The following PRKCE variants were observed in gnomAD, a reference collection of about 807,000 sequenced individuals.
The protein encoded by PRKCE is protein kinase C epsilon type.
Under a neutral mutation model 85.4 loss-of-function variants are expected in PRKCE, and 16 were observed. The ratio of observed to expected loss-of-function variants is 0.19; its 90% CI spans 0.13 to 0.28. PRKCE has a LOEUF of 0.28. PRKCE is among the 10% of genes least tolerant of loss of function. The pLI is 1.00. For missense variants in PRKCE, 573 were observed against 975.2 expected (o/e 0.59, Z 5.49); for synonymous variants, 388 against 371.5 (o/e 1.04, Z -0.51).
chr2:46,155,906 A>C lies in PRKCE; in HGVS notation c.1921-3700A>C, dbSNP rs1677149151. On this transcript the variant is annotated intron_variant, in intron 13 of 14. Transcript: ENST00000306156. The surrounding 1 kb of genome is among the most constrained non-coding windows in gnomAD (Gnocchi z 4.7). ...CTTCTCATCTCTGTACGTCTATCAG[A>C]GTGATCTCTTAGTGGGTGCAGCGCA... Among the ~76,000 whole-genome samples, 1 of 151,874 alleles carries C rather than the reference A, an allele frequency of 6.6e-6. No individual in the cohort carries two copies. The highest frequency in any genetic ancestry group is 1.5e-5 in the Non-Finnish European group (1 of 67,980).
intron 1 of PRKCE, among the ~76,000 whole-genome samples, chr2:45,716,335 G>A (rs1032686054): frequency 1.3e-5 from 2 of 152,120 alleles, no homozygotes; most frequent in African/African-American, 4.8e-5. Context: ...TGGCCAACAT[G>A]GTGAAACCCT....
chr2:46,023,221 G>C (rs929079504), intron 10 of PRKCE, among the ~76,000 whole-genome samples: 3 of 151,832 alleles, frequency 2.0e-5, no homozygotes, highest in African/African-American at 7.3e-5. Flanking sequence ...AAACAGAATT[G>C]AGACTACCTG....
At chr2:45,831,237 T>G (rs1690398367) in intron 1 of PRKCE, among the ~76,000 whole-genome samples, 1 of 152,236 alleles carries the variant, frequency 6.6e-6, no homozygotes, top group African/African-American at 2.4e-5. Flanking sequence ...AAAGAAGGTG[T>G]ATGTAACACC....
rs183197156 is a variant in PRKCE at position 45,941,046 on chromosome 2, A to T, written c.413-35383A>T. On this transcript the variant is annotated intron_variant, in intron 2 of 14. Transcript: ENST00000306156. ...ATGCCACTGCACTCCAGCCTGGGTG[A>T]CAGAGTGAGACTTCATCCTAAAAAA... Among the ~76,000 whole-genome samples the T allele has an allele frequency of 1.5e-3, 212 of 144,666 alleles. 2 individuals carry two copies. The highest frequency in any genetic ancestry group is 5.4e-3 in the African/African-American group (206 of 38,170). 94.9% of individuals were successfully genotyped at this position (144,666 alleles called of 152,430 possible).
At chr2:45,751,886 C>T (rs982280410) in intron 1 of PRKCE, among the ~76,000 whole-genome samples, 1 of 127,490 alleles carries the variant, frequency 7.8e-6, no homozygotes, top group Non-Finnish European at 1.6e-5. Flanking sequence ...GGCGGGATCT[C>T]GGCTCACTGC....
chr2:45,805,182 C>T (rs533339251), intron 1 of PRKCE, among the ~76,000 whole-genome samples: 1 of 152,306 alleles, frequency 6.6e-6, no homozygotes, highest in South Asian at 2.1e-4. Context: ...GGGTTAGACA[C>T]TATTACTACG....
At chr2:46,015,628 A>G (rs1023841454) in intron 10 of PRKCE, among the ~76,000 whole-genome samples, 5 of 151,432 alleles carry the variant, frequency 3.3e-5, no homozygotes, top group Non-Finnish European at 7.4e-5. Context: ...AAGGAGTGTT[A>G]ACAACGTAGG....
intron 1 of PRKCE, among the ~76,000 whole-genome samples, chr2:45,788,608 T>A (rs914316249): frequency 3.3e-5 from 5 of 152,228 alleles, no homozygotes; most frequent in African/African-American, 1.2e-4. Flanking sequence ...AGCTGTTGGT[T>A]TAGAAACCAG....
intron 10 of PRKCE, among the ~76,000 whole-genome samples, chr2:46,043,816 G>T (rs1708357135): frequency 6.6e-6 from 1 of 152,226 alleles, no homozygotes; most frequent in Non-Finnish European, 1.5e-5. Flanking sequence ...GTATCAATTT[G>T]TTCTGAAAAC....
At position 45,868,299 on chromosome 2, in the gene PRKCE, C is replaced by G. The variant is rs527475423; in HGVS notation, c.412+25236C>G. ...AACATCTTCCCTAAAGTCTCAAACA[C>G]CAAAATCCCCTTTCCTGTCCAAAAA... On this transcript the variant is annotated intron_variant, in intron 2 of 14. Coordinates refer to ENST00000306156, the MANE Select transcript of PRKCE (RefSeq NM_005400.3). 7.6e-5 allele frequency among the ~76,000 whole-genome samples: 5 copies of G among 66,132 alleles called. No homozygotes were observed. The South Asian group carries it at 4.2e-3, about 55-fold the overall frequency. 43.4% of individuals were successfully genotyped at this position (66,132 alleles called of 152,430 possible). A position where few individuals can be genotyped will look rare whatever the true frequency, so the allele number is the denominator to read the frequency against.
intron 13 of PRKCE, among the ~76,000 whole-genome samples, chr2:46,158,428 C>G (rs554522421): frequency 1.3e-5 from 2 of 152,218 alleles, no homozygotes; most frequent in South Asian, 4.2e-4. Flanking sequence ...GTGGGGGTCA[C>G]CTTGCTGACT....
chr2:46,156,310 G>A (rs887578861), intron 13 of PRKCE, among the ~76,000 whole-genome samples: 15 of 152,168 alleles, frequency 9.9e-5, no homozygotes, highest in African/African-American at 3.6e-4. Context: ...GCCTCTCAGG[G>A]AATGCTTTGC....
chr2:46,077,836 G>A (rs767291962), intron 10 of PRKCE, among the ~76,000 whole-genome samples: 1 of 152,172 alleles, frequency 6.6e-6, no homozygotes, highest in Non-Finnish European at 1.5e-5. Context: ...ATACAGAGTT[G>A]GAAGTTCTGG....
intron 14 of PRKCE, chr2:46,166,927 G>C (rs1189122263): frequency 1.3e-5 from 2 of 152,184 alleles, no homozygotes; most frequent in Non-Finnish European, 2.9e-5. Context: ...GGAGGTTGAG[G>C]CTGTAGTGAG....
chr2:46,051,003 C>G (rs1374960042), intron 10 of PRKCE, among the ~76,000 whole-genome samples: 1 of 152,174 alleles, frequency 6.6e-6, no homozygotes, highest in Non-Finnish European at 1.5e-5. Flanking sequence ...CTCCCACTCC[C>G]TCACCCCCAA....
intron 3 of PRKCE, among the ~76,000 whole-genome samples, chr2:45,977,053 C>T (rs1209494999): frequency 6.6e-6 from 1 of 151,910 alleles, no homozygotes; most frequent in Non-Finnish European, 1.5e-5. Flanking sequence ...CACACGACCA[C>T]GCCTGGCTAA....
At position 45,677,392 on chromosome 2, in the gene PRKCE, C is replaced by G. The variant is rs1034479625; in HGVS notation, c.348+24944C>G. Among the ~76,000 whole-genome samples the G allele has an allele frequency of 1.9e-4, 27 of 144,718 alleles. No individual in the cohort carries two copies. The East Asian group carries it at 4.9e-3, about 26-fold the overall frequency. 94.9% of individuals were successfully genotyped at this position (144,718 alleles called of 152,430 possible). A position where few individuals can be genotyped will look rare whatever the true frequency, so the allele number is the denominator to read the frequency against. On this transcript the variant is annotated intron_variant, in intron 1 of 14. Coordinates refer to ENST00000306156, the MANE Select transcript of PRKCE (RefSeq NM_005400.3). Reference sequence around the variant, plus strand: ...TGAGACGGAGTCTCGCTCTGTCGCCCAGGCCGGACTGCGGACTGCAGTGGC... The same window carrying G: ...TGAGACGGAGTCTCGCTCTGTCGCCGAGGCCGGACTGCGGACTGCAGTGGC...
chr2:45,762,689 A>T (rs1573248184), intron 1 of PRKCE, among the ~76,000 whole-genome samples: 2 of 152,360 alleles, frequency 1.3e-5, no homozygotes, highest in Admixed American at 1.3e-4. Flanking sequence ...CTCCATCAAC[A>T]TAATACCTAT....
At chr2:45,921,236 G>A (rs1459302137) in intron 2 of PRKCE, among the ~76,000 whole-genome samples, 1 of 152,204 alleles carries the variant, frequency 6.6e-6, no homozygotes, top group Non-Finnish European at 1.5e-5. Flanking sequence ...AAAGTTCTTG[G>A]GAAGAGGAGA....
Sources: allele counts gnomAD v4.1 joint callset (sites outside exome capture counted in the v4.1 genomes callset), GRCh38; gene constraint gnomAD v4.1.1; non-coding constraint Gnocchi (gnomAD v3.1); transcripts MANE v1.5; gene names NCBI Gene and HGNC (gene_info 2026-07-23, HGNC 2026-07-21).